Variants in B4GALT7 observed in about 807,000 individuals in gnomAD.
B4GALT7 encodes UDP-Gal:beta-GlcNAc beta-1,4-galactosyltransferase 7.
Under a neutral mutation model 33.0 loss-of-function variants are expected in B4GALT7, and 30 were observed. The observed-to-expected ratio is 0.91, with a 90% CI of 0.68 to 1.23. The LOEUF is 1.23. Among genes scored for constraint, B4GALT7 ranks in the 50% most tolerant of loss-of-function variants. The pLI, the probability that B4GALT7 is intolerant of heterozygous loss-of-function variation, is 0.00. For missense variants in B4GALT7, 507 were observed against 450.8 expected (o/e 1.12, Z -1.13); for synonymous variants, 213 against 187.2 (o/e 1.14, Z -1.13).
In B4GALT7 at chr5:177,608,164, A is replaced by G. The variant is rs1768068058; in HGVS notation, c.640-375A>G. ...GTGCAAGAATGGGTGTCTGTCATGG[A>G]ACCCTGCTACCCCTCTCACACACAC... On this transcript the variant is annotated intron_variant, in intron 3 of 5. Coordinates refer to ENST00000029410, the MANE Select transcript of B4GALT7 (RefSeq NM_007255.3). This position sits in a 1 kb window ranked among gnomAD's most constrained non-coding sequence, Gnocchi z 4.1. 7.1e-6 allele frequency: 2 copies of G among 279,738 alleles called. No homozygotes were observed. The highest frequency in any genetic ancestry group is 1.8e-4 in the East Asian group (2 of 11,008). 17.3% of individuals were successfully genotyped at this position (279,738 alleles called of 1,614,324 possible). A position where few individuals can be genotyped will look rare whatever the true frequency, so the allele number is the denominator to read the frequency against.
At chr5:177,603,498 C>A in intron 1 of B4GALT7, 1 of 409,086 alleles carries the variant, frequency 2.4e-6, no homozygotes, top group Non-Finnish European at 3.3e-6. Context: ...TCTTTCTTTC[C>A]CTCTCCATCT....
chr5:177,600,225 G>A lies in B4GALT7; in HGVS notation c.15G>A (p.Arg5=), dbSNP rs778740793. 5.0e-6 allele frequency: 7 copies of A among 1,394,480 alleles called. No homozygotes were observed. The East Asian group carries it at 1.2e-4, about 24-fold the overall frequency. 86.4% of individuals were successfully genotyped at this position (1,394,480 alleles called of 1,614,324 possible). A position where few individuals can be genotyped will look rare whatever the true frequency, so the allele number is the denominator to read the frequency against. ...CTCTCCGCACGATGTTCCCCTCGCGGAGGAAAGCGGCGCAGCTGCCCTGGG... is the reference window on the plus strand; with the variant it reads ...CTCTCCGCACGATGTTCCCCTCGCGAAGGAAAGCGGCGCAGCTGCCCTGGG... MFPS[R]RKAAQLPWED... is the part of the protein sequence containing the mutation. Residue 5 remains arginine (R), a synonymous_variant, in exon 1 of 6, where the codon CGG becomes CGA. Transcript: ENST00000029410. The surrounding 1 kb of genome is among the most constrained non-coding windows in gnomAD (Gnocchi z 4.4).
Position 177,600,287 on chromosome 5 carries a change from C to G in B4GALT7, c.50+27C>G. 1 of 1,301,136 alleles carries G rather than the reference C, an allele frequency of 7.7e-7. No individual in the cohort carries two copies. The highest frequency in any genetic ancestry group is 9.8e-7 in the Non-Finnish European group (1 of 1,021,844). The allele number at this position is 1,301,136 out of a possible 1,614,324, so 80.6% of individuals were successfully genotyped here. A position where few individuals can be genotyped will look rare whatever the true frequency, so the allele number is the denominator to read the frequency against. ...TGAGCGGCGGCGGTGGGCCCGGGCC[C>G]CGTCCTCCCGGGCGCCGCTCCCTTC... is the stretch of plus-strand genomic sequence containing the variant. On this transcript the variant is annotated intron_variant, in intron 1 of 5. Transcript: ENST00000029410. This position sits in a 1 kb window ranked among gnomAD's most constrained non-coding sequence, Gnocchi z 4.4.
chr5:177,607,278 C>T (rs1209553886), intron 2 of B4GALT7, 24 bp from the exon 3 acceptor site: 3 of 1,576,708 alleles, frequency 1.9e-6, no homozygotes, highest in Non-Finnish European at 1.7e-6. Context: ...GCTGCCCCTG[C>T]CCAGCCTTGC....
rs1561815605 is a variant in B4GALT7, at chr5:177,607,536, CG to C, written c.639+11del. ...AGCAGCACTACCGGCTGGTGAGGCC[CG>C]GACAGCCTGCTCTGCTCAGAGCCGG... On this transcript the variant is annotated intron_variant, in intron 3 of 5. Coordinates refer to ENST00000029410, the MANE Select transcript of B4GALT7 (RefSeq NM_007255.3). 1 of 1,608,072 alleles carries C rather than the reference CG, an allele frequency of 6.2e-7. No homozygotes were observed.
rs1350200117 is a variant in B4GALT7, at chr5:177,604,209, G to A, written c.81G>A (p.Arg27=). The A allele has an allele frequency of 6.2e-7, 1 of 1,613,552 alleles. No individual in the cohort carries two copies. The highest frequency in any genetic ancestry group is 1.3e-5 in the African/African-American group (1 of 74,900). ...GGTTGCTCTCCGGCGGCCTCCCTCG[G>A]AAGTGTTCCGTCTTCCACCTGTTCG... ...RSGLLSGGLP[R]KCSVFHLFVA... The change falls in exon 2 of 6, where the codon CGG becomes CGA. Residue 27 remains arginine, a synonymous_variant. Transcript: ENST00000029410.
rs1377342756 is a variant in B4GALT7 at position 177,608,937 on chromosome 5, G to A, written c.751G>A (p.Gly251Arg). Residue 251 changes from glycine to arginine, a missense_variant, in exon 5 of 6, where the codon GGG becomes AGG. Transcript: ENST00000029410. This position sits in a 1 kb window ranked among gnomAD's most constrained non-coding sequence, Gnocchi z 4.1. ...QLFRPSGITT[G>R]YKTFRHLHDP... ...TTTCCGCCCCTCGGGAATCACAACT[G>A]GGTACAAGACATTTCGCCACCTGCA... The A allele has an allele frequency of 3.1e-6, 5 of 1,613,596 alleles. No individual in the cohort carries two copies. In the African/African-American group the frequency reaches 5.3e-5, roughly 17 times the overall value.
chr5:177,605,030 C>G (rs765911228), intron 2 of B4GALT7: 9 of 456,052 alleles, frequency 2.0e-5, no homozygotes, highest in South Asian at 1.4e-4. Flanking sequence ...CAGCCCCCAC[C>G]TCCTTTCCCT....
In B4GALT7 at chr5:177,600,230, A is replaced by G. The variant is rs1370799068; in HGVS notation, c.20A>G (p.Lys7Arg). 6 of 1,395,186 alleles carry G rather than the reference A, an allele frequency of 4.3e-6. No individual in the cohort carries two copies. In the Admixed American group the frequency reaches 1.3e-4, roughly 30 times the overall value. 86.4% of individuals were successfully genotyped at this position (1,395,186 alleles called of 1,614,324 possible). MFPSRR[K>R]AAQLPWEDGR... ...CGCACGATGTTCCCCTCGCGGAGGA[A>G]AGCGGCGCAGCTGCCCTGGGAGGAC... The change falls in exon 1 of 6, where the codon AAA becomes AGA. Residue 7 changes from lysine to arginine, a missense_variant. Physicochemically the swap from Lys to Arg is conservative, Grantham distance 26. Coordinates refer to ENST00000029410, the MANE Select transcript of B4GALT7 (RefSeq NM_007255.3). The surrounding 1 kb of genome is among the most constrained non-coding windows in gnomAD (Gnocchi z 4.4).
At chr5:177,605,065 G>A (rs1306742427) in intron 2 of B4GALT7, 3 of 455,688 alleles carry the variant, frequency 6.6e-6, no homozygotes, top group Non-Finnish European at 1.3e-5. Flanking sequence ...CTGGAAGATG[G>A]ATTCTCAGCC....
At chr5:177,602,534 G>T (rs1581991110) in intron 1 of B4GALT7, among the ~76,000 whole-genome samples, 1 of 152,186 alleles carries the variant, frequency 6.6e-6, no homozygotes, top group African/African-American at 2.4e-5. Flanking sequence ...GCAGGGGGCA[G>T]TGCTGGCCAT....
rs997017598 is a variant in B4GALT7 at position 177,600,296 on chromosome 5, C to T, written c.50+36C>T. 4.6e-6 allele frequency: 6 copies of T among 1,294,498 alleles called. No homozygotes were observed. Among genetic ancestry groups the T allele is most frequent in the South Asian group, 4.2e-5 (2 of 47,180 alleles). The allele number at this position is 1,294,498 out of a possible 1,614,324, so 80.2% of individuals were successfully genotyped here. A position where few individuals can be genotyped will look rare whatever the true frequency, so the allele number is the denominator to read the frequency against. On this transcript the variant is annotated intron_variant, in intron 1 of 5. Coordinates refer to ENST00000029410, the MANE Select transcript of B4GALT7 (RefSeq NM_007255.3). This position sits in a 1 kb window ranked among gnomAD's most constrained non-coding sequence, Gnocchi z 4.4. ...GCGGTGGGCCCGGGCCCCGTCCTCC[C>T]GGGCGCCGCTCCCTTCTCGGCCGCC...
rs1467328242 is a variant in B4GALT7 at position 177,604,274 on chromosome 5, T to C, written c.146T>C (p.Leu49Pro). 1 of 1,613,170 alleles carries C rather than the reference T, an allele frequency of 6.2e-7. No homozygotes were observed. The highest frequency in any genetic ancestry group is 1.3e-5 in the African/African-American group (1 of 74,908). Residue 49 changes from leucine to proline, a missense_variant, in exon 2 of 6, where the codon CTG becomes CCG. By Grantham distance (98) the Leu-to-Pro change is moderately conservative (BLOSUM62 -3). Coordinates refer to ENST00000029410, the MANE Select transcript of B4GALT7 (RefSeq NM_007255.3). Reference sequence around the variant, plus strand: ...CTGGGCTTCTTCTCCCTACTCTGGCTGCAGCTCAGCTGCTCTGGGGACGTG... The same window carrying C: ...CTGGGCTTCTTCTCCCTACTCTGGCCGCAGCTCAGCTGCTCTGGGGACGTG... ...LSLGFFSLLWLQLSCSGDVAR... is the reference protein window; with the variant it reads ...LSLGFFSLLWPQLSCSGDVAR...
At chr5:177,603,990 G>C in intron 1 of B4GALT7, 189 bp from the exon 2 acceptor site, 1 of 856,676 alleles carries the variant, frequency 1.2e-6, no homozygotes, top group East Asian at 2.7e-5. Context: ...GTTGGGTCTA[G>C]AGAGGCAAGC....
Position 177,606,982 on chromosome 5 carries a change from C to G in B4GALT7, c.414-320C>G. ...CCAGCAAGATCGCCCTCCTTGCCTG[C>G]TTTGCTTTTCCCCCCAGCACGAACC... is the stretch of plus-strand genomic sequence containing the variant. On this transcript the variant is annotated intron_variant, in intron 2 of 5. Transcript: ENST00000029410. The surrounding 1 kb of genome is among the most constrained non-coding windows in gnomAD (Gnocchi z 4.2). 1 of 433,732 alleles carries G rather than the reference C, an allele frequency of 2.3e-6. No homozygotes were observed. The highest frequency in any genetic ancestry group is 4.3e-6 in the Non-Finnish European group (1 of 230,388). 26.9% of individuals were successfully genotyped at this position (433,732 alleles called of 1,614,324 possible).
Position 177,602,969 on chromosome 5 carries a change from G to A in B4GALT7, c.51-1210G>A, listed in dbSNP as rs190491683. 7.9e-4 allele frequency: 410 copies of A among 518,214 alleles called. 2 individuals are homozygous for A. The South Asian group carries it at 0.019, about 24-fold the overall frequency. 32.1% of individuals were successfully genotyped at this position (518,214 alleles called of 1,614,324 possible). A position where few individuals can be genotyped will look rare whatever the true frequency, so the allele number is the denominator to read the frequency against. On this transcript the variant is annotated intron_variant, in intron 1 of 5. Coordinates refer to ENST00000029410, the MANE Select transcript of B4GALT7 (RefSeq NM_007255.3). ...GTGATCTCAGCTCACTGCAACCTCC[G>A]CCTCCCAGATTCAAGCTATGCTTCT... is the stretch of plus-strand genomic sequence containing the variant.
chr5:177,600,167 C>G lies in B4GALT7; in HGVS notation c.-44C>G. 5 of 1,239,960 alleles carry G rather than the reference C, an allele frequency of 4.0e-6. No individual in the cohort carries two copies. Among genetic ancestry groups the G allele is most frequent in the East Asian group, 3.3e-5 (1 of 30,408 alleles). 76.8% of individuals were successfully genotyped at this position (1,239,960 alleles called of 1,614,324 possible). A position where few individuals can be genotyped will look rare whatever the true frequency, so the allele number is the denominator to read the frequency against. Reference sequence around the variant, plus strand: ...CGTAGGCCCGGGAGGCCGGGCCGGCCGGGCTGCGAGCGCCTGCCCCATGCG... The same window carrying G: ...CGTAGGCCCGGGAGGCCGGGCCGGCGGGGCTGCGAGCGCCTGCCCCATGCG... On this transcript the variant is annotated 5_prime_UTR_variant, in exon 1 of 6. Coordinates refer to ENST00000029410, the MANE Select transcript of B4GALT7 (RefSeq NM_007255.3). This position sits in a 1 kb window ranked among gnomAD's most constrained non-coding sequence, Gnocchi z 4.4.
intron 5 of B4GALT7, 143 bp downstream of exon 5, chr5:177,609,157 G>T: frequency 1.2e-6 from 1 of 800,586 alleles, no homozygotes; most frequent in Non-Finnish European, 2.0e-6. Flanking sequence ...ATTCTGCTTG[G>T]GCACCGTGCC....
chr5:177,609,698 T>C lies in B4GALT7; in HGVS notation c.*3T>C. 6.2e-7 allele frequency: 1 copy of C among 1,604,386 alleles called. No homozygotes were observed. The highest frequency in any genetic ancestry group is 8.5e-7 in the Non-Finnish European group (1 of 1,175,500). On this transcript the variant is annotated 3_prime_UTR_variant, in exon 6 of 6. Coordinates refer to ENST00000029410, the MANE Select transcript of B4GALT7 (RefSeq NM_007255.3). ...CACCCTGGTGCACATTCAGCTGAGC[T>C]GGATGGACAGTGAGGAAGCCTGTAC...
Sources: gnomAD v4.1 joint callset for allele counts (sites outside exome capture counted in the v4.1 genomes callset) on GRCh38, gnomAD v4.1.1 for gene constraint, Gnocchi (gnomAD v3.1) non-coding constraint, MANE v1.5 for transcripts, NCBI Gene and HGNC (gene_info 2026-07-23, HGNC 2026-07-21) for gene names.